Variants in NPAS1 observed in about 807,000 individuals in gnomAD.
The protein encoded by NPAS1 is neuronal PAS domain protein 1, also known as neuronal PAS domain-containing protein 1.
In NPAS1, 29 loss-of-function variants were observed where a neutral mutation model predicts 49.2. The observed-to-expected ratio is 0.59, with a 90% CI of 0.44 to 0.80. NPAS1 has a LOEUF of 0.80. Among genes scored for constraint, NPAS1 ranks in the 30% least tolerant of loss-of-function variants. The probability of loss-of-function intolerance (pLI) is 0.00; values close to 1 mark genes in which losing one functional copy is unlikely to be tolerated. For missense variants in NPAS1, 825 were observed against 835.5 expected, an observed-to-expected ratio of 0.99 and a Z score of 0.15; for synonymous variants, 408 against 380.4, an observed-to-expected ratio of 1.07 and a Z score of -0.84.
At chr19:47,030,075 G>A (rs906350808) in intron 3 of NPAS1, among the ~76,000 whole-genome samples, 24 of 152,154 alleles carry the variant, frequency 1.6e-4, no homozygotes, top group African/African-American at 5.8e-4. Flanking sequence ...CCAGGATGGA[G>A]TGCAGTGGTG....
intron 5 of NPAS1, among the ~76,000 whole-genome samples, chr19:47,033,303 C>T (rs911542737): frequency 4.0e-5 from 6 of 150,318 alleles, no homozygotes; most frequent in South Asian, 2.1e-4. Flanking sequence ...TGCAATGGTA[C>T]GATCTCAGCT....
At position 47,021,162 on chromosome 19, in the gene NPAS1, G is replaced by C. The variant is rs749827904; in HGVS notation, c.115G>C (p.Gly39Arg). 26 of 1,582,726 alleles carry C rather than the reference G, an allele frequency of 1.6e-5. No individual in the cohort carries two copies. The highest frequency in any genetic ancestry group is 2.2e-5 in the Non-Finnish European group (26 of 1,166,610). Residue 39 changes from glycine to arginine, a missense_variant, in exon 2 of 12, where the codon GGA becomes CGA. Transcript: ENST00000602212. This position sits in a 1 kb window ranked among gnomAD's most constrained non-coding sequence, Gnocchi z 5.7. The part of the protein sequence containing the change: ...LPGLMVKAPS[G>R]PCLQAQRKEK... ...CGGGCTGATGGTCAAGGCGCCGTCC[G>C]GACCGTGGTGAGCAAAGCCCCGCCC...
chr19:47,019,976 A>T lies in NPAS1; in HGVS notation c.-64A>T. The T allele has an allele frequency of 2.6e-6, 1 of 391,188 alleles. No individual in the cohort carries two copies. Among genetic ancestry groups the T allele is most frequent in the East Asian group, 3.7e-5 (1 of 27,328 alleles). 24.2% of individuals were successfully genotyped at this position (391,188 alleles called of 1,614,324 possible). On this transcript the variant is annotated 5_prime_UTR_variant, in exon 1 of 12. Coordinates refer to ENST00000602212, the MANE Select transcript of NPAS1 (RefSeq NM_002517.4). Reference sequence around the variant, plus strand: ...CCCGGAGCCTGCTCTGCGGCCAAGTAATCGGACTGGCGGTCCTGCGGGTAG... The same window carrying T: ...CCCGGAGCCTGCTCTGCGGCCAAGTTATCGGACTGGCGGTCCTGCGGGTAG...
At chr19:47,020,897 C>G (rs1253571838) in intron 1 of NPAS1, 109 bp from the exon 2 acceptor site, 2 of 133,534 alleles carry the variant, frequency 1.5e-5, no homozygotes, top group Admixed American at 1.5e-4. Context: ...CATCCAGGCC[C>G]CCCCCCCCCC....
At chr19:47,041,366 C>G (rs1030886234) in intron 10 of NPAS1, among the ~76,000 whole-genome samples, 1 of 152,108 alleles carries the variant, frequency 6.6e-6, no homozygotes, top group Non-Finnish European at 1.5e-5. Flanking sequence ...AAGGCAGGGG[C>G]AGGCTCACAG....
At chr19:47,044,118 G>A (rs1445890092) in intron 11 of NPAS1, among the ~76,000 whole-genome samples, 5 of 152,200 alleles carry the variant, frequency 3.3e-5, no homozygotes, top group Non-Finnish European at 7.3e-5. Flanking sequence ...TTCTTGCCCA[G>A]GTTGGAGTGC....
intron 6 of NPAS1, among the ~76,000 whole-genome samples, chr19:47,038,389 T>C (rs1049964454): frequency 4.0e-5 from 6 of 151,368 alleles, no homozygotes; most frequent in South Asian, 2.1e-4. Context: ...TGATGGCGCG[T>C]GCCTGTAATT....
chr19:47,024,879 T>G (rs906600501), intron 3 of NPAS1, among the ~76,000 whole-genome samples: 3 of 146,862 alleles, frequency 2.0e-5, no homozygotes, highest in Non-Finnish European at 3.0e-5. Context: ...TTGCAATCTC[T>G]GCTCACTGCA....
chr19:47,032,639 C>G lies in NPAS1; in HGVS notation c.433-4C>G, dbSNP rs1206084575. On this transcript the variant is annotated splice_polypyrimidine_tract_variant and splice_region_variant and intron_variant, in intron 4 of 11. Coordinates refer to ENST00000602212, the MANE Select transcript of NPAS1 (RefSeq NM_002517.4). ...TTCCCCCTCCCTGTCTCTCCCGGCT[C>G]TAGTCCCTGGATGGCTTTGTGTTCG... is the stretch of plus-strand genomic sequence containing the variant. 4 of 1,613,656 alleles carry G rather than the reference C, an allele frequency of 2.5e-6. No homozygotes were observed. Among genetic ancestry groups the G allele is most frequent in the Non-Finnish European group, 3.4e-6 (4 of 1,179,628 alleles).
In NPAS1 at chr19:47,032,713, T is replaced by C. The variant is rs2056916256; in HGVS notation, c.503T>C (p.Ile168Thr). 6.2e-7 allele frequency: 1 copy of C among 1,613,802 alleles called. No individual in the cohort carries two copies. Among genetic ancestry groups the C allele is most frequent in the South Asian group, 1.1e-5 (1 of 91,078 alleles). The change falls in exon 5 of 12, where the codon ATC (isoleucine) becomes ACC (threonine). Residue 168 changes from isoleucine (I) to threonine (T), a missense_variant. Physicochemically the swap from Ile to Thr is moderately conservative, Grantham distance 89 (BLOSUM62 -1). Coordinates refer to ENST00000602212, the MANE Select transcript of NPAS1 (RefSeq NM_002517.4). Reference sequence around the variant, plus strand: ...CTCTACATCTCAGAGACAGTCTCCATCTATCTGGGTCTCTCACAGGTAAGG... The same window carrying C: ...CTCTACATCTCAGAGACAGTCTCCACCTATCTGGGTCTCTCACAGGTAAGG... ...KFLYISETVS[I>T]YLGLSQVEMT...
chr19:47,032,614 T>C (rs931685172), intron 4 of NPAS1, 29 bp from the exon 5 acceptor site: 7 of 1,599,944 alleles, frequency 4.4e-6, no homozygotes, highest in South Asian at 1.1e-5. Flanking sequence ...GGTCCTCTCC[T>C]TCCCCCTCCC....
Position 47,040,440 on chromosome 19 carries a change from C to A in NPAS1, c.963-4C>A, listed in dbSNP as rs759169112. 61 of 1,581,316 alleles carry A rather than the reference C, an allele frequency of 3.9e-5. No homozygotes were observed. In the Admixed American group the frequency reaches 1.0e-3, roughly 27 times the overall value. On this transcript the variant is annotated splice_polypyrimidine_tract_variant and splice_region_variant and intron_variant, in intron 8 of 11. Transcript: ENST00000602212. ...CTCCTCCCCTCTTCTCTGTCACCCCCCAGAGTCAGCGACCACATGGACCTG... is the reference window on the plus strand; with the variant it reads ...CTCCTCCCCTCTTCTCTGTCACCCCACAGAGTCAGCGACCACATGGACCTG...
At chr19:47,032,932 TTTTGTTTG>T (rs970782368) in intron 5 of NPAS1, among the ~76,000 whole-genome samples, 200 bp downstream of exon 5, 18 of 152,222 alleles carry the variant, frequency 1.2e-4, no homozygotes, top group African/African-American at 4.1e-4. Context: ...GGCTATTGTT[TTTTGTTTG>T]TTTGTTTGTT....
intron 10 of NPAS1, among the ~76,000 whole-genome samples, chr19:47,041,660 T>C (rs968922216): frequency 6.6e-6 from 1 of 152,124 alleles, no homozygotes; most frequent in African/African-American, 2.4e-5. Context: ...GAGAGGATCA[T>C]AGTCAGATCT....
At chr19:47,023,151 G>A (rs542574266) in intron 3 of NPAS1, among the ~76,000 whole-genome samples, 48 of 152,350 alleles carry the variant, frequency 3.2e-4, no homozygotes, top group Non-Finnish European at 6.0e-4. Context: ...CGGTAATTAG[G>A]CGAATTGACT....
At chr19:47,037,732 G>A (rs2056972763) in intron 6 of NPAS1, among the ~76,000 whole-genome samples, 1 of 152,212 alleles carries the variant, frequency 6.6e-6, no homozygotes, top group Non-Finnish European at 1.5e-5. Context: ...GTGCTTGCAA[G>A]CGTGGGGCGA....
At position 47,045,459 on chromosome 19, in the gene NPAS1, C is replaced by G. The variant is rs756043888; in HGVS notation, c.1581C>G (p.Gly527=). Residue 527 remains glycine, a synonymous_variant, in exon 12 of 12, where the codon GGC becomes GGG. Coordinates refer to ENST00000602212, the MANE Select transcript of NPAS1 (RefSeq NM_002517.4). The part of the protein sequence containing the change: ...GDPPPTLLHA[G]FLPPVVRGLC... ...CCCCGCCCACCCTCCTGCACGCGGG[C>G]TTCCTGCCGCCGGTGGTGCGGGGCC... 4 of 1,589,234 alleles carry G rather than the reference C, an allele frequency of 2.5e-6. No homozygotes were observed. Among genetic ancestry groups the G allele is most frequent in the Non-Finnish European group, 1.7e-6 (2 of 1,170,530 alleles).
intron 6 of NPAS1, among the ~76,000 whole-genome samples, chr19:47,037,641 G>T (rs934105987): frequency 1.3e-5 from 2 of 152,104 alleles, no homozygotes; most frequent in African/African-American, 4.8e-5. Context: ...GATGTTGGGG[G>T]CCTATGAGGC....
chr19:47,037,200 A>G (rs1229317364), intron 6 of NPAS1, among the ~76,000 whole-genome samples: 1 of 151,620 alleles, frequency 6.6e-6, no homozygotes, highest in Non-Finnish European at 1.5e-5. Context: ...AAAAATACAA[A>G]AATTAGCCGG....
Sources: gnomAD v4.1 joint callset for allele counts (sites outside exome capture counted in the v4.1 genomes callset) on GRCh38, gnomAD v4.1.1 for gene constraint, Gnocchi (gnomAD v3.1) non-coding constraint, MANE v1.5 for transcripts, NCBI Gene and HGNC (gene_info 2026-07-23, HGNC 2026-07-21) for gene names.